The following ASTN2 variants were observed in gnomAD, a reference collection of about 807,000 sequenced individuals.
ASTN2 encodes astrotactin 2.
Under a neutral mutation model 139.8 loss-of-function variants are expected in ASTN2, and 54 were observed. That is an observed-to-expected ratio of 0.39 (90% CI 0.31 to 0.48). The LOEUF (loss-of-function observed/expected upper bound fraction) is 0.48, where lower values mean the gene tolerates loss of function less well. Among genes scored for constraint, ASTN2 ranks in the 20% least tolerant of loss-of-function variants. ASTN2 has a pLI of 0.95. For missense variants in ASTN2, 1,565 were observed against 1,725.1 expected, an observed-to-expected ratio of 0.91 and a Z score of 1.64; for synonymous variants, 756 against 719.5, an observed-to-expected ratio of 1.05 and a Z score of -0.81.
At chr9:116,999,488 G>T (rs982429964) in intron 7 of ASTN2, among the ~76,000 whole-genome samples, 2 of 150,946 alleles carry the variant, frequency 1.3e-5, no homozygotes, top group South Asian at 4.2e-4. Flanking sequence ...TGACATGAGG[G>T]TTGAAGATTG....
rs1828982326 is a variant in ASTN2, at chr9:117,101,688, TC to T, written c.1169-5538del. On this transcript the variant is annotated intron_variant, in intron 4 of 22. Coordinates refer to ENST00000313400, the MANE Select transcript of ASTN2 (RefSeq NM_001365068.1). ...TTGGTGGACAAATAAATATTCAGAA[TC>T]TCACTGTTGCTTAATCAAAATTACA... Among the ~76,000 whole-genome samples the T allele has an allele frequency of 2.6e-5, 4 of 152,306 alleles. No homozygotes were observed. The South Asian group carries it at 6.2e-4, about 24-fold the overall frequency.
At chr9:116,992,238 T>C (rs1836881288) in intron 7 of ASTN2, among the ~76,000 whole-genome samples, 1 of 152,120 alleles carries the variant, frequency 6.6e-6, no homozygotes, top group Non-Finnish European at 1.5e-5. Context: ...AGTTACTGAA[T>C]TACTAAATGA....
At chr9:116,753,797 T>A (rs937190969) in intron 13 of ASTN2, among the ~76,000 whole-genome samples, 1 of 147,982 alleles carries the variant, frequency 6.8e-6, no homozygotes, top group Non-Finnish European at 1.5e-5. Context: ...ACCTTTTTTT[T>A]TTATTATTAT....
At chr9:117,314,188 G>A (rs34019626) in intron 1 of ASTN2, among the ~76,000 whole-genome samples, 1,849 of 152,242 alleles carry the variant, frequency 0.012, 12 homozygotes, top group Non-Finnish European at 0.018. Flanking sequence ...CAATGCATCC[G>A]TTTCACTCAC....
chr9:117,263,621 G>A (rs372971677), intron 2 of ASTN2, among the ~76,000 whole-genome samples: 10 of 152,086 alleles, frequency 6.6e-5, no homozygotes, highest in Admixed American at 2.6e-4. Flanking sequence ...GGAGATACTC[G>A]GGAATTGAAG....
chr9:117,346,160 C>T (rs1034653170), intron 1 of ASTN2, among the ~76,000 whole-genome samples: 4 of 152,140 alleles, frequency 2.6e-5, no homozygotes, highest in Admixed American at 6.6e-5. Flanking sequence ...ATGAGACTCA[C>T]TTGTACTGAC....
At chr9:116,943,265 C>T (rs79630182) in intron 10 of ASTN2, among the ~76,000 whole-genome samples, 3,068 of 152,212 alleles carry the variant, frequency 0.02, 52 homozygotes, top group Non-Finnish European at 0.03. Flanking sequence ...CCTGGCACAC[C>T]TGTGAGTATA....
intron 3 of ASTN2, among the ~76,000 whole-genome samples, chr9:117,204,832 C>T (rs1831861356): frequency 6.6e-6 from 1 of 152,158 alleles, no homozygotes. Context: ...AGTTATGCTG[C>T]AAAAGCCAAA....
intron 1 of ASTN2, among the ~76,000 whole-genome samples, chr9:117,360,869 C>A (rs759886189): frequency 1.3e-5 from 2 of 152,200 alleles, no homozygotes; most frequent in Non-Finnish European, 2.9e-5. Context: ...AATGACTTAG[C>A]ATTTTTCTGG....
chr9:116,790,821 T>A (rs1025976688), intron 13 of ASTN2, among the ~76,000 whole-genome samples: 1 of 151,020 alleles, frequency 6.6e-6, no homozygotes, highest in Non-Finnish European at 1.5e-5. Context: ...ATTACAGGCA[T>A]GCGCCACCAC....
intron 1 of ASTN2, among the ~76,000 whole-genome samples, chr9:117,377,469 C>T (rs996038921): frequency 3.9e-5 from 6 of 152,148 alleles, no homozygotes; most frequent in Admixed American, 1.3e-4. Flanking sequence ...AACCCATAAA[C>T]GTCCCATGCA....
At chr9:116,708,630 G>A (rs953832471) in intron 16 of ASTN2, among the ~76,000 whole-genome samples, 1 of 152,126 alleles carries the variant, frequency 6.6e-6, no homozygotes, top group Non-Finnish European at 1.5e-5. Context: ...TCACGAAAAA[G>A]GGATGGACCA....
At chr9:116,973,840 T>C (rs1003055176) in intron 10 of ASTN2, among the ~76,000 whole-genome samples, 1 of 152,182 alleles carries the variant, frequency 6.6e-6, no homozygotes, top group African/African-American at 2.4e-5. Context: ...TCTTTATAAA[T>C]CTATTCTTTT....
chr9:116,814,533 A>G (rs1293218985), intron 12 of ASTN2, among the ~76,000 whole-genome samples: 1 of 152,218 alleles, frequency 6.6e-6, no homozygotes, highest in South Asian at 2.1e-4. Context: ...CTCAGTTTAC[A>G]TAACACTAAG....
intron 16 of ASTN2, among the ~76,000 whole-genome samples, chr9:116,691,830 G>T (rs1025447318): frequency 6.6e-6 from 1 of 152,152 alleles, no homozygotes; most frequent in Non-Finnish European, 1.5e-5. Context: ...TTAGCATTCT[G>T]TTAGAATGCA....
intron 16 of ASTN2, chr9:116,700,065 T>TTGA: frequency 3.1e-6 from 1 of 327,802 alleles, no homozygotes; most frequent in East Asian, 7.8e-5. Context: ...CCATTTGGCT[T>TTGA]TGATGCCCTT....
chr9:116,778,997 G>A (rs1486608192), intron 13 of ASTN2, among the ~76,000 whole-genome samples: 1 of 152,182 alleles, frequency 6.6e-6, no homozygotes, highest in Non-Finnish European at 1.5e-5. Context: ...TATTATGATT[G>A]TGATTATTAT....
At chr9:117,161,729 G>A (rs1170168224) in intron 3 of ASTN2, among the ~76,000 whole-genome samples, 1 of 152,000 alleles carries the variant, frequency 6.6e-6, no homozygotes, top group Non-Finnish European at 1.5e-5. Flanking sequence ...TAAAGACTAT[G>A]TAAGATTCAT....
At chr9:116,624,560 T>G (rs1856344378) in intron 17 of ASTN2, among the ~76,000 whole-genome samples, 1 of 152,160 alleles carries the variant, frequency 6.6e-6, no homozygotes, top group Admixed American at 6.5e-5. Context: ...ATTTTAAACT[T>G]TAGGTAAACA....
Sources: gnomAD v4.1 joint callset for allele counts (sites outside exome capture counted in the v4.1 genomes callset) on GRCh38, gnomAD v4.1.1 for gene constraint, MANE v1.5 for transcripts, NCBI Gene and HGNC (gene_info 2026-07-23, HGNC 2026-07-21) for gene names.